The following PTPRM variants were observed in gnomAD, a reference collection of about 807,000 sequenced individuals.
PTPRM encodes the protein protein tyrosine phosphatase receptor type M.
In PTPRM, 47 loss-of-function variants were observed where a neutral mutation model predicts 186.7. The ratio of observed to expected loss-of-function variants is 0.25; its 90% CI spans 0.20 to 0.32. The LOEUF is 0.32. PTPRM is among the 10% of genes least tolerant of loss of function. The probability of loss-of-function intolerance (pLI) is 1.00; values close to 1 mark genes in which losing one functional copy is unlikely to be tolerated. For missense variants in PTPRM, 1,494 were observed against 1,865.0 expected (o/e 0.80, Z 3.66); for synonymous variants, 668 against 674.9 (o/e 0.99, Z 0.16).
chr18:8,012,555 G>A (rs1234220487), intron 7 of PTPRM, among the ~76,000 whole-genome samples: 1 of 152,186 alleles, frequency 6.6e-6, no homozygotes, highest in African/African-American at 2.4e-5. Flanking sequence ...CCCAGGCTAT[G>A]TGGTGTTGCC....
At chr18:8,371,609 C>T (rs2095663087) in intron 24 of PTPRM, among the ~76,000 whole-genome samples, 1 of 152,158 alleles carries the variant, frequency 6.6e-6, no homozygotes, top group Admixed American at 6.5e-5. Flanking sequence ...ACTGGTTTTC[C>T]CCTTTTGTAG....
chr18:8,045,931 G>A (rs2087017849), intron 7 of PTPRM, among the ~76,000 whole-genome samples: 1 of 152,186 alleles, frequency 6.6e-6, no homozygotes, highest in South Asian at 2.1e-4. Flanking sequence ...AGTCGCATAT[G>A]TCAGTAATTG....
intron 4 of PTPRM, among the ~76,000 whole-genome samples, chr18:7,923,083 A>C (rs1242301845): frequency 6.6e-6 from 1 of 152,202 alleles, no homozygotes; most frequent in Non-Finnish European, 1.5e-5. Context: ...GTCATTACTG[A>C]AAATATTTAA....
chr18:8,114,523 C>G (rs2091884626), intron 12 of PTPRM, among the ~76,000 whole-genome samples: 1 of 152,112 alleles, frequency 6.6e-6, no homozygotes, highest in Admixed American at 6.5e-5. Flanking sequence ...TACCTCCTTA[C>G]TAAAGGAGGT....
intron 22 of PTPRM, among the ~76,000 whole-genome samples, chr18:8,339,964 T>C (rs1437550012): frequency 6.6e-6 from 1 of 151,990 alleles, no homozygotes; most frequent in Non-Finnish European, 1.5e-5. Context: ...TTTGGGCACC[T>C]TCCCTATTTT....
intron 7 of PTPRM, among the ~76,000 whole-genome samples, chr18:8,034,672 C>T (rs753477535): frequency 3.3e-5 from 5 of 152,124 alleles, no homozygotes; most frequent in Admixed American, 1.3e-4. Context: ...ACAGTTCTGC[C>T]GGCTTCTGCT....
chr18:8,007,527 G>T (rs1043089350), intron 7 of PTPRM, among the ~76,000 whole-genome samples: 20 of 152,162 alleles, frequency 1.3e-4, no homozygotes, highest in African/African-American at 3.6e-4. Context: ...TGAAATTAAA[G>T]CACAGCAAAA....
intron 8 of PTPRM, among the ~76,000 whole-genome samples, chr18:8,074,775 A>G (rs2089702646): frequency 6.6e-6 from 1 of 152,068 alleles, no homozygotes; most frequent in Non-Finnish European, 1.5e-5. Flanking sequence ...TTGGGTTTTA[A>G]TATTGTTACT....
rs115431543 is a variant in PTPRM at position 8,114,359 on chromosome 18, C to T, written c.2131-432C>T. 8.0e-4 allele frequency among the ~76,000 whole-genome samples: 122 copies of T among 152,254 alleles called. 1 individual carries two copies. The highest frequency in any genetic ancestry group is 2.8e-3 in the African/African-American group (117 of 41,546). ...TCTCCTTAGACAGAAGGAAATGTTT[C>T]GCAGATACCACAGTGGGTCCCTCCT... On this transcript the variant is annotated intron_variant, in intron 12 of 32. Transcript: ENST00000580170.
At chr18:7,607,133 A>G (rs951282751) in intron 1 of PTPRM, among the ~76,000 whole-genome samples, 49 of 152,248 alleles carry the variant, frequency 3.2e-4, no homozygotes, top group African/African-American at 1.1e-3. Flanking sequence ...AGTGTATGCC[A>G]GGCCCTGGGT....
chr18:8,362,236 T>C (rs2095601414), intron 23 of PTPRM, among the ~76,000 whole-genome samples: 1 of 152,168 alleles, frequency 6.6e-6, no homozygotes, highest in African/African-American at 2.4e-5. Flanking sequence ...TCGCAATTAG[T>C]TCGCACCTTG....
At position 8,073,706 on chromosome 18, in the gene PTPRM, A is replaced by G. The variant is rs535275221; in HGVS notation, c.1442-2749A>G. The stretch of plus-strand genomic sequence containing the variant: ...GACCACTTGAGCCCAGGAGATTGAG[A>G]CCAGCCTGGGAAACATAGTGAGACC... On this transcript the variant is annotated intron_variant, in intron 8 of 32. Transcript: ENST00000580170. 2.0e-5 allele frequency among the ~76,000 whole-genome samples: 3 copies of G among 152,240 alleles called. No homozygotes were observed. In the South Asian group the frequency reaches 6.2e-4, roughly 32 times the overall value.
chr18:8,248,122 G>T, intron 16 of PTPRM, 28 bp from the exon 17 acceptor site: 1 of 1,524,346 alleles, frequency 6.6e-7, no homozygotes, highest in Non-Finnish European at 9.1e-7. Context: ...TACTTTCTCT[G>T]CATTGACCTG....
chr18:8,131,172 G>A (rs1049569056), intron 13 of PTPRM, among the ~76,000 whole-genome samples: 1 of 152,176 alleles, frequency 6.6e-6, no homozygotes, highest in Non-Finnish European at 1.5e-5. Flanking sequence ...GAAAATGAAT[G>A]GATTTCTTGA....
chr18:8,376,337 T>C, intron 25 of PTPRM, 125 bp from the exon 26 acceptor site: 1 of 1,539,562 alleles, frequency 6.5e-7, no homozygotes, highest in South Asian at 1.2e-5. Context: ...TAAATGCCAC[T>C]GGAGTGTACC....
chr18:7,788,379 T>C (rs1461199968), intron 2 of PTPRM, among the ~76,000 whole-genome samples: 1 of 152,128 alleles, frequency 6.6e-6, no homozygotes, highest in African/African-American at 2.4e-5. Context: ...TTATGAAATA[T>C]TTTGCTTTGG....
chr18:7,916,985 A>C (rs1315606453), intron 4 of PTPRM, among the ~76,000 whole-genome samples: 1 of 152,084 alleles, frequency 6.6e-6, no homozygotes, highest in South Asian at 2.1e-4. Context: ...ACCACTCTTG[A>C]CTTCTGAGAT....
intron 29 of PTPRM, among the ~76,000 whole-genome samples, chr18:8,381,844 G>A (rs1399493178): frequency 1.3e-5 from 2 of 152,194 alleles, no homozygotes; most frequent in Non-Finnish European, 2.9e-5. Context: ...TTAGAATCAT[G>A]ATGGTTTTTT....
chr18:8,400,570 T>C (rs1192198701), intron 32 of PTPRM, among the ~76,000 whole-genome samples: 1 of 152,170 alleles, frequency 6.6e-6, no homozygotes, highest in African/African-American at 2.4e-5. Flanking sequence ...CTCCCTTCCC[T>C]GCAGTGCCAT....
Sources: allele counts gnomAD v4.1 joint callset (sites outside exome capture counted in the v4.1 genomes callset), GRCh38; gene constraint gnomAD v4.1.1; transcripts MANE v1.5; gene names NCBI Gene and HGNC (gene_info 2026-07-23, HGNC 2026-07-21).